Variants in LCORL observed in about 807,000 individuals in gnomAD.
LCORL encodes ligand dependent nuclear receptor corepressor like.
Under a neutral mutation model 141.8 loss-of-function variants are expected in LCORL, and 41 were observed. The observed-to-expected ratio is 0.29, with a 90% CI of 0.23 to 0.38. The LOEUF (loss-of-function observed/expected upper bound fraction) is 0.38. Ranked by LOEUF, LCORL falls within the 10% of genes least tolerant of loss-of-function variation. The probability of loss-of-function intolerance (pLI) is 1.00; values close to 1 mark genes in which losing one functional copy is unlikely to be tolerated. For missense variants in LCORL, 1,759 were observed against 2,035.0 expected, an observed-to-expected ratio of 0.86 and a Z score of 2.61; for synonymous variants, 618 against 694.1, an observed-to-expected ratio of 0.89 and a Z score of 1.72.
At chr4:17,952,019 T>C (rs1343556606) in intron 4 of LCORL, among the ~76,000 whole-genome samples, 1 of 152,232 alleles carries the variant, frequency 6.6e-6, no homozygotes, top group African/African-American at 2.4e-5. Context: ...AAAAGCCTTA[T>C]TTAAGACACT....
At chr4:18,007,437 CAT>C (rs1248773616) in intron 1 of LCORL, among the ~76,000 whole-genome samples, 5 of 152,130 alleles carry the variant, frequency 3.3e-5, no homozygotes, top group Non-Finnish European at 7.4e-5. Context: ...TTCATGGACT[CAT>C]ATAAGGAAAC....
intron 6 of LCORL, chr4:17,882,139 T>C: frequency 2.0e-6 from 2 of 983,730 alleles, no homozygotes; most frequent in Non-Finnish European, 2.4e-6. Flanking sequence ...ATTTAATAGC[T>C]GAAAATCTCT....
At chr4:17,948,603 C>T (rs1347592068) in intron 4 of LCORL, among the ~76,000 whole-genome samples, 1 of 151,966 alleles carries the variant, frequency 6.6e-6, no homozygotes, top group Non-Finnish European at 1.5e-5. Context: ...ACTAGCAATG[C>T]AGATTTTCTA....
At chr4:17,923,519 G>T (rs1435689504) in intron 4 of LCORL, among the ~76,000 whole-genome samples, 3 of 152,108 alleles carry the variant, frequency 2.0e-5, no homozygotes, top group Non-Finnish European at 4.4e-5. Flanking sequence ...GGTGGCGGGT[G>T]CCTTTAATCC....
chr4:18,021,637 C>T lies in LCORL; in HGVS notation c.115G>A (p.Glu39Lys). 6.5e-7 allele frequency: 1 copy of T among 1,545,806 alleles called. No individual in the cohort carries two copies. Reference sequence around the variant, plus strand: ...AGGCGGTGGCGCCAAGAGTCGAGTTCCCGCCGGAATCCTCTTCTCTCCGCC... The same window carrying T: ...AGGCGGTGGCGCCAAGAGTCGAGTTTCCGCCGGAATCCTCTTCTCTCCGCC... Residue 39 changes from glutamate to lysine, a missense_variant, in exon 1 of 8, where the codon GAA becomes AAA. By Grantham distance (56) the Glu-to-Lys change is moderately conservative (BLOSUM62 1). Transcript: ENST00000635767. This position sits in a 1 kb window ranked among gnomAD's most constrained non-coding sequence, Gnocchi z 5.5.
chr4:17,939,418 A>AT (rs1456568322), intron 4 of LCORL, among the ~76,000 whole-genome samples: 1 of 152,174 alleles, frequency 6.6e-6, no homozygotes. Context: ...TATGTTTTAT[A>AT]TTTTAAATAT....
chr4:17,938,700 A>T (rs1737317393), intron 4 of LCORL, among the ~76,000 whole-genome samples: 2 of 152,124 alleles, frequency 1.3e-5, no homozygotes, highest in Non-Finnish European at 2.9e-5. Context: ...GGTGTGAGCC[A>T]CCGCGCCCGG....
chr4:17,945,403 A>G lies in LCORL; in HGVS notation c.430+16500T>C, dbSNP rs1015613533. Among the ~76,000 whole-genome samples, 3 of 148,982 alleles carry G rather than the reference A, an allele frequency of 2.0e-5. No individual in the cohort carries two copies. In the South Asian group the frequency reaches 6.2e-4, roughly 31 times the overall value. The stretch of plus-strand genomic sequence containing the variant: ...TTGATTCAGACACTGACTGGCTTAT[A>G]AATTGGGGTTTTTTTTTTTACACTA... On this transcript the variant is annotated intron_variant, in intron 4 of 7. Coordinates refer to ENST00000635767, the Ensembl canonical transcript of LCORL.
At chr4:18,005,561 G>A (rs1722663021) in intron 1 of LCORL, among the ~76,000 whole-genome samples, 1 of 152,206 alleles carries the variant, frequency 6.6e-6, no homozygotes, top group African/African-American at 2.4e-5. Context: ...CCCAGCCCCT[G>A]CAGTAAACTT....
At chr4:18,007,250 A>G (rs1722971809) in intron 1 of LCORL, among the ~76,000 whole-genome samples, 1 of 152,232 alleles carries the variant, frequency 6.6e-6, no homozygotes. Flanking sequence ...TGAAAAATAT[A>G]GTTCCTGTCT....
chr4:17,984,943 T>C (rs1378438962), intron 1 of LCORL, among the ~76,000 whole-genome samples: 1 of 152,190 alleles, frequency 6.6e-6, no homozygotes, highest in Non-Finnish European at 1.5e-5. Context: ...CCAGAGATTC[T>C]GGTATGTTGT....
chr4:17,842,257 A>C, exon 8 of LCORL: 1 of 1,533,262 alleles, frequency 6.5e-7, no homozygotes, highest in Non-Finnish European at 9.0e-7. Context: ...ACTAGATTAA[A>C]AACAAAAAGC....
chr4:17,984,721 C>T (rs747103661), intron 1 of LCORL, among the ~76,000 whole-genome samples: 6 of 152,026 alleles, frequency 3.9e-5, no homozygotes, highest in Non-Finnish European at 7.4e-5. Flanking sequence ...CTCCTGAATT[C>T]GTTGATCTTC....
chr4:17,947,173 TAC>T (rs989667507), intron 4 of LCORL, among the ~76,000 whole-genome samples: 1 of 151,936 alleles, frequency 6.6e-6, no homozygotes, highest in Admixed American at 6.6e-5. Flanking sequence ...TGTGTATGCG[TAC>T]ACACACACAT....
At chr4:17,850,833 G>C (rs1189622130) in intron 7 of LCORL, among the ~76,000 whole-genome samples, 8 of 151,858 alleles carry the variant, frequency 5.3e-5, no homozygotes, top group Non-Finnish European at 1.0e-4. Flanking sequence ...GCACACGTAT[G>C]TTTATTGCGG....
At chr4:17,861,244 C>T (rs1487629172) in intron 7 of LCORL, among the ~76,000 whole-genome samples, 1 of 152,244 alleles carries the variant, frequency 6.6e-6, no homozygotes, top group African/African-American at 2.4e-5. Context: ...CAGGCGTTTC[C>T]ACACATCTTC....
intron 1 of LCORL, among the ~76,000 whole-genome samples, chr4:18,002,389 C>A (rs563349324): frequency 1.3e-5 from 2 of 151,984 alleles, no homozygotes; most frequent in African/African-American, 2.4e-5. Context: ...AGCACCACTC[C>A]CGCCTCTCAC....
chr4:17,971,008 T>C (rs1348756800), intron 2 of LCORL, among the ~76,000 whole-genome samples: 2 of 152,066 alleles, frequency 1.3e-5, no homozygotes, highest in Non-Finnish European at 2.9e-5. Flanking sequence ...TTGGTAAAAA[T>C]AGATAACGCT....
intron 4 of LCORL, among the ~76,000 whole-genome samples, chr4:17,949,942 A>G (rs1319687792): frequency 6.6e-6 from 1 of 152,194 alleles, no homozygotes; most frequent in South Asian, 2.1e-4. Context: ...TACAGTATTG[A>G]CAAATGTGTT....
Sources: allele counts gnomAD v4.1 joint callset (sites outside exome capture counted in the v4.1 genomes callset), GRCh38; gene constraint gnomAD v4.1.1; non-coding constraint Gnocchi (gnomAD v3.1); transcripts MANE v1.5; gene names NCBI Gene and HGNC (gene_info 2026-07-23, HGNC 2026-07-21).